Variants in CHD1L observed in about 807,000 individuals in gnomAD.
The protein encoded by CHD1L is ATP-dependent chromatin remodeler CHD1L.
In CHD1L, 118 loss-of-function variants were observed where a neutral mutation model predicts 115.9. The observed-to-expected ratio is 1.02, with a 90% CI of 0.88 to 1.19. The LOEUF is 1.19. Among genes scored for constraint, CHD1L ranks in the 50% most tolerant of loss-of-function variants. The pLI is 0.00. For synonymous variants in CHD1L, 411 were observed against 387.1 expected (o/e 1.06, Z -0.72); for missense variants, 1,179 against 1,065.3 (o/e 1.11, Z -1.49).
Position 147,285,503 on chromosome 1 carries a change from C to A in CHD1L, c.2018+16C>A. The A allele has an allele frequency of 6.2e-7, 1 of 1,602,182 alleles. No homozygotes were observed. Among genetic ancestry groups the A allele is most frequent in the Non-Finnish European group, 8.5e-7 (1 of 1,175,952 alleles). On this transcript the variant is annotated intron_variant, in intron 17 of 22. Coordinates refer to ENST00000369258, the MANE Select transcript of CHD1L (RefSeq NM_004284.6). ...ATAAGAAAAAGTATGTCTGCGTTAA[C>A]CAAGCTGGCGGCCACAGTTGAAGGA...
intron 7 of CHD1L, 50 bp from the exon 8 acceptor site, chr1:147,265,882 C>G (rs781856745): frequency 1.9e-6 from 3 of 1,547,416 alleles, no homozygotes; most frequent in African/African-American, 1.4e-5. Context: ...GGTTCATTGC[C>G]TTGGTTCTAC....
At chr1:147,204,851 C>T in the CHD1L span, 1 of 1,601,824 alleles carries the variant, frequency 6.2e-7, no homozygotes, top group African/African-American at 1.3e-5. Flanking sequence ...CTATACACAG[C>T]CTCTTCTAAT....
At chr1:147,188,724 A>AAAAT in the CHD1L span, among the ~76,000 whole-genome samples, 13 of 151,250 alleles carry the variant, frequency 8.6e-5, no homozygotes, top group East Asian at 3.9e-4. Context: ...ACTTAAATAT[A>AAAAT]AAATAAATAA....
In CHD1L at chr1:147,280,163, A is replaced by T. The variant is rs782059967; in HGVS notation, c.1677A>T (p.Glu559Asp). 6.2e-7 allele frequency: 1 copy of T among 1,609,456 alleles called. No individual in the cohort carries two copies. The highest frequency in any genetic ancestry group is 1.1e-5 in the South Asian group (1 of 90,336). ...QWVSDALPAA[E>D]GGSRDQEEGK... ...TCTCTGATGCCTTGCCTGCAGCAGA[A>T]GGAGGGAGCAGAGATCAAGAGGAAG... Residue 559 changes from glutamate (E) to aspartate (D), a missense_variant, in exon 15 of 23, where the codon GAA becomes GAT. Transcript: ENST00000369258.
the CHD1L span, chr1:147,203,430 A>G: frequency 1.2e-6 from 1 of 854,022 alleles, no homozygotes; most frequent in Non-Finnish European, 2.1e-6. Flanking sequence ...AAGTATCTAG[A>G]ACACCAGCTT....
At chr1:147,180,835 T>G in the CHD1L span, among the ~76,000 whole-genome samples, 4 of 152,184 alleles carry the variant, frequency 2.6e-5, no homozygotes, top group Admixed American at 6.5e-5. Flanking sequence ...ATCAAAATTA[T>G]CTAGAGGGTC....
intron 1 of CHD1L, among the ~76,000 whole-genome samples, chr1:147,248,140 T>G (rs1667210434): frequency 6.6e-6 from 1 of 152,204 alleles, no homozygotes; most frequent in Non-Finnish European, 1.5e-5. Flanking sequence ...CTTATTTAAT[T>G]ATTTTTGGGT....
At chr1:147,180,411 C>T in the CHD1L span, among the ~76,000 whole-genome samples, 1 of 152,256 alleles carries the variant, frequency 6.6e-6, no homozygotes, top group East Asian at 1.9e-4. Context: ...CCTGCCTCAG[C>T]CTCCTGAGTA....
chr1:147,252,606 G>C lies in CHD1L; in HGVS notation c.128-17G>C, dbSNP rs782707460. 1.3e-6 allele frequency: 2 copies of C among 1,599,438 alleles called. No homozygotes were observed. The highest frequency in any genetic ancestry group is 3.3e-5 in the Admixed American group (2 of 59,924). ...GAAATGTCTGCTCTTCGGATTTGCT[G>C]TATTTTTTGTTTCTAGGGATTCACC... On this transcript the variant is annotated splice_polypyrimidine_tract_variant and intron_variant, in intron 1 of 22. Transcript: ENST00000369258.
the CHD1L span, chr1:147,223,923 G>A: frequency 2.7e-6 from 1 of 368,998 alleles, no homozygotes; most frequent in Non-Finnish European, 5.2e-6. Context: ...AAAGCTGCTA[G>A]CAAAGGGGAT....
chr1:147,294,478 T>C lies in CHD1L; in HGVS notation c.2576T>C (p.Ile859Thr), dbSNP rs782120249. The C allele has an allele frequency of 2.2e-5, 36 of 1,613,152 alleles. No homozygotes were observed. Among genetic ancestry groups the C allele is most frequent in the Non-Finnish European group, 2.7e-5 (32 of 1,179,678 alleles). Residue 859 changes from isoleucine (I) to threonine (T), a missense_variant, in exon 22 of 23, where the codon ATT becomes ACT. Transcript: ENST00000369258. ...GFNWYGTERL[I>T]RKHLAARGIP... ...AACTGGTATGGTACTGAGCGACTTATTCGGAAACATCTGGCTGCAAGAGGC... is the reference window on the plus strand; with the variant it reads ...AACTGGTATGGTACTGAGCGACTTACTCGGAAACATCTGGCTGCAAGAGGC...
intron 16 of CHD1L, 86 bp downstream of exon 16, chr1:147,284,585 T>G: frequency 8.3e-7 from 1 of 1,204,666 alleles, no homozygotes; most frequent in South Asian, 1.7e-5. Flanking sequence ...ATCGTTTTGT[T>G]CTCTTAGGAT....
chr1:147,230,905 T>G, the CHD1L span, among the ~76,000 whole-genome samples: 1 of 152,004 alleles, frequency 6.6e-6, no homozygotes, highest in African/African-American at 2.4e-5. Context: ...CTTTTCTTCT[T>G]TATTAGTCTT....
chr1:147,264,642 T>C, intron 7 of CHD1L, 58 bp downstream of exon 7: 1 of 1,550,140 alleles, frequency 6.5e-7, no homozygotes, highest in Non-Finnish European at 8.8e-7. Flanking sequence ...ACCATCCTCA[T>C]GCATAATGGT....
rs1553939952 is a variant in CHD1L, at chr1:147,255,878, A to C, written c.413A>C (p.Gln138Pro). The change falls in exon 4 of 23, where the codon CAA (glutamine) becomes CCA (proline). Residue 138 changes from glutamine to proline, a missense_variant. Gln to Pro is a moderately conservative substitution (Grantham distance 76). Transcript: ENST00000369258. Reference protein sequence around the residue: ...GDKEERACLQQDLKQESRFHV... With the variant: ...GDKEERACLQPDLKQESRFHV... ...AAGGAGGAAAGAGCCTGCCTTCAGC[A>C]AGACCTGAAACAGGAGTCACGTTTT... The C allele has an allele frequency of 3.1e-6, 5 of 1,613,964 alleles. No individual in the cohort carries two copies. In the South Asian group the frequency reaches 5.5e-5, roughly 18 times the overall value.
intron 5 of CHD1L, among the ~76,000 whole-genome samples, chr1:147,258,486 A>G (rs1670838560): frequency 6.6e-6 from 1 of 152,116 alleles, no homozygotes; most frequent in Non-Finnish European, 1.5e-5. Context: ...ACCTTATCTC[A>G]TGACCACTGT....
At chr1:147,212,542 G>A in the CHD1L span, 3 of 1,609,258 alleles carry the variant, frequency 1.9e-6, no homozygotes, top group Non-Finnish European at 2.5e-6. Context: ...ATTCCTGCAA[G>A]AGAAGGGAAA....
chr1:147,194,342 T>C, the CHD1L span, among the ~76,000 whole-genome samples: 7 of 152,300 alleles, frequency 4.6e-5, no homozygotes, highest in Middle Eastern at 3.4e-3. Flanking sequence ...CTGCCTTTTT[T>C]TGTTTTCGAT....
the CHD1L span, among the ~76,000 whole-genome samples, chr1:147,219,283 C>T: frequency 2.6e-5 from 4 of 152,046 alleles, no homozygotes; most frequent in African/African-American, 7.2e-5. Flanking sequence ...CTTGTATAAT[C>T]GCTCCCTGTT....
Sources: gnomAD v4.1 joint callset for allele counts (sites outside exome capture counted in the v4.1 genomes callset) on GRCh38, gnomAD v4.1.1 for gene constraint, MANE v1.5 for transcripts, NCBI Gene and HGNC (gene_info 2026-07-23, HGNC 2026-07-21) for gene names.